The following CACNB2 variants were observed in gnomAD, a reference collection of about 807,000 sequenced individuals.
The protein encoded by CACNB2 is calcium voltage-gated channel auxiliary subunit beta 2.
Under a neutral mutation model 73.3 loss-of-function variants are expected in CACNB2, and 42 were observed. The ratio of observed to expected loss-of-function variants is 0.57; its 90% confidence interval spans 0.45 to 0.74. The LOEUF (loss-of-function observed/expected upper bound fraction) is 0.74, where lower values mean the gene tolerates loss of function less well. Among genes scored for constraint, CACNB2 ranks in the 30% least tolerant of loss-of-function variants. The pLI, the probability that CACNB2 is intolerant of heterozygous loss-of-function variation, is 0.00. For synonymous variants in CACNB2, 348 were observed against 310.3 expected (o/e 1.12, Z -1.28); for missense variants, 940 against 853.0 (o/e 1.10, Z -1.27).
intron 2 of CACNB2, among the ~76,000 whole-genome samples, chr10:18,365,995 A>G (rs891448380): frequency 2.0e-5 from 3 of 152,230 alleles, no homozygotes; most frequent in African/African-American, 4.8e-5. Context: ...CTTCAAATTC[A>G]TAGAAAACCA....
At chr10:18,264,456 A>T (rs1311863057) in intron 2 of CACNB2, among the ~76,000 whole-genome samples, 1 of 152,220 alleles carries the variant, frequency 6.6e-6, no homozygotes, top group Non-Finnish European at 1.5e-5. Context: ...TGCCTTTGTA[A>T]CCAACACTCA....
intron 3 of CACNB2, among the ~76,000 whole-genome samples, chr10:18,428,620 A>G (rs898698800): frequency 6.6e-6 from 1 of 150,946 alleles, no homozygotes; most frequent in African/African-American, 2.4e-5. Flanking sequence ...CAGGAGGCAG[A>G]GTTTGTAGTG....
At chr10:18,240,906 T>C (rs1757200) in intron 2 of CACNB2, among the ~76,000 whole-genome samples, 123,483 of 152,046 alleles carry the variant, frequency 0.81, 50,503 homozygotes, top group African/African-American at 0.88. Flanking sequence ...TGGCACTTAC[T>C]CAGAGTAATC....
chr10:18,491,819 TAAAAAAA>T (rs68179779), intron 3 of CACNB2, among the ~76,000 whole-genome samples: 23 of 65,600 alleles, frequency 3.5e-4, no homozygotes, highest in East Asian at 6.3e-4. Flanking sequence ...TCAAGTTGGT[TAAAAAAA>T]AAAAAAAAAA....
chr10:18,178,130 G>T (rs1250743281), intron 2 of CACNB2, among the ~76,000 whole-genome samples: 3 of 152,156 alleles, frequency 2.0e-5, no homozygotes, highest in Non-Finnish European at 4.4e-5. Context: ...GGTTGCTACT[G>T]AGGATATAGA....
At chr10:18,527,483 G>T in intron 9 of CACNB2, 105 bp from the exon 10 acceptor site, 1 of 766,982 alleles carries the variant, frequency 1.3e-6, no homozygotes, top group South Asian at 1.4e-5. Context: ...TGAAAATATG[G>T]TTGCTATATA....
intron 3 of CACNB2, among the ~76,000 whole-genome samples, chr10:18,450,577 A>T (rs2046968973): frequency 1.3e-5 from 2 of 151,100 alleles, no homozygotes. Flanking sequence ...CGGGAGAGGG[A>T]GCAAAATAGT....
intron 2 of CACNB2, among the ~76,000 whole-genome samples, chr10:18,368,902 AAAAG>A (rs1300301774): frequency 6.6e-6 from 1 of 152,210 alleles, no homozygotes; most frequent in East Asian, 1.9e-4. Flanking sequence ...TATTTAAAAA[AAAAG>A]AGAGAGAACC....
chr10:18,233,879 G>A (rs1354345424), intron 2 of CACNB2, among the ~76,000 whole-genome samples: 1 of 152,208 alleles, frequency 6.6e-6, no homozygotes, highest in Non-Finnish European at 1.5e-5. Context: ...GAGCCGTGTA[G>A]AGAAAGGTCA....
intron 3 of CACNB2, among the ~76,000 whole-genome samples, chr10:18,407,225 G>A (rs565088745): frequency 7.0e-6 from 1 of 143,398 alleles, no homozygotes; most frequent in South Asian, 2.3e-4. Flanking sequence ...GGGTTCAAGC[G>A]ATTCTCACAC....
chr10:18,536,854 G>A (rs1429703021), intron 12 of CACNB2, among the ~76,000 whole-genome samples: 1 of 152,230 alleles, frequency 6.6e-6, no homozygotes, highest in African/African-American at 2.4e-5. Context: ...TAGGGATCAA[G>A]TTGTCTGCTC....
intron 2 of CACNB2, chr10:18,341,005 G>A: frequency 6.2e-7 from 1 of 1,611,394 alleles, no homozygotes; most frequent in South Asian, 1.1e-5. Context: ...AAGCCGGCCA[G>A]ATGCACGGTG....
In CACNB2 at chr10:18,498,336, C is replaced by T. The variant is rs1186197134; in HGVS notation, c.334-19C>T. The T allele has an allele frequency of 1.2e-6, 2 of 1,613,962 alleles. No individual in the cohort carries two copies. The highest frequency in any genetic ancestry group is 1.7e-6 in the Non-Finnish European group (2 of 1,179,918). Reference sequence around the variant, plus strand: ...TTGTTTTGCTCTTATTTTTTTCCCTCTTCCTTTTCCCACTTTAGACAAAGC... The same window carrying T: ...TTGTTTTGCTCTTATTTTTTTCCCTTTTCCTTTTCCCACTTTAGACAAAGC... On this transcript the variant is annotated intron_variant, in intron 3 of 13. Transcript: ENST00000324631.
At chr10:18,419,571 T>A (rs2045205275) in intron 3 of CACNB2, among the ~76,000 whole-genome samples, 1 of 152,132 alleles carries the variant, frequency 6.6e-6, no homozygotes, top group Admixed American at 6.5e-5. Flanking sequence ...ACCCTCTTAT[T>A]CAAATGATCA....
rs372864339 is a variant in CACNB2, at chr10:18,357,158, T to C, written c.214-44766T>C. On this transcript the variant is annotated intron_variant, in intron 2 of 13. Coordinates refer to ENST00000324631, the MANE Select transcript of CACNB2 (RefSeq NM_201596.3). ...CGGGGTTTCACCGTGTTAGCCAGGA[T>C]GGTCTCGATCTCCTGACCTCGTGAT... is the stretch of plus-strand genomic sequence containing the variant. Among the ~76,000 whole-genome samples the C allele has an allele frequency of 2.0e-5, 3 of 149,862 alleles. No homozygotes were observed. The East Asian group carries it at 6.0e-4, about 30-fold the overall frequency.
intron 9 of CACNB2, among the ~76,000 whole-genome samples, chr10:18,522,546 T>C (rs1033872901): frequency 3.3e-5 from 5 of 151,652 alleles, no homozygotes; most frequent in Admixed American, 2.6e-4. Flanking sequence ...GAGGCAAGGG[T>C]AGGAAGGAAA....
intron 2 of CACNB2, among the ~76,000 whole-genome samples, chr10:18,358,315 T>C (rs1405839113): frequency 6.6e-6 from 1 of 152,192 alleles, no homozygotes; most frequent in African/African-American, 2.4e-5. Context: ...CTCAAACTCC[T>C]GGCCTCAAGT....
At chr10:18,311,559 ACTGTATTC>A (rs1188014474) in intron 2 of CACNB2, among the ~76,000 whole-genome samples, 1 of 152,240 alleles carries the variant, frequency 6.6e-6, no homozygotes, top group Admixed American at 6.5e-5. Flanking sequence ...TGTACTATGT[ACTGTATTC>A]TTACAAAAAA....
chr10:18,428,168 G>T (rs894003452), intron 3 of CACNB2, among the ~76,000 whole-genome samples: 1 of 152,034 alleles, frequency 6.6e-6, no homozygotes, highest in African/African-American at 2.4e-5. Context: ...TGTCATTTCT[G>T]TCTCTGATTT....
Sources: gnomAD v4.1 joint callset for allele counts (sites outside exome capture counted in the v4.1 genomes callset) on GRCh38, gnomAD v4.1.1 for gene constraint, MANE v1.5 for transcripts, NCBI Gene and HGNC (gene_info 2026-07-23, HGNC 2026-07-21) for gene names.